Variants in COL5A1 observed in about 807,000 individuals in gnomAD.
The protein encoded by COL5A1 is collagen alpha-1(V) chain.
COL5A1 carries 16 observed loss-of-function variants against 263.7 expected under a neutral mutation model. That is an observed-to-expected ratio of 0.06 (90% CI 0.04 to 0.09). The LOEUF (loss-of-function observed/expected upper bound fraction) is 0.09, where lower values mean the gene tolerates loss of function less well. COL5A1 is among the 10% of genes least tolerant of loss of function. The pLI, the probability that COL5A1 is intolerant of heterozygous loss-of-function variation, is 1.00. For missense variants in COL5A1, 2,036 were observed against 2,540.5 expected, an observed-to-expected ratio of 0.80 and a Z score of 4.27; for synonymous variants, 1,012 against 1,004.5, an observed-to-expected ratio of 1.01 and a Z score of -0.14.
intron 65 of COL5A1, among the ~76,000 whole-genome samples, chr9:134,836,583 G>A (rs1178440616): frequency 6.6e-6 from 1 of 152,224 alleles, no homozygotes; most frequent in Non-Finnish European, 1.5e-5. Flanking sequence ...CTCAGTGTGA[G>A]GCCTGGGCAG....
At chr9:134,752,553 G>A in intron 13 of COL5A1, 36 bp from the exon 14 acceptor site, 1 of 1,568,840 alleles carries the variant, frequency 6.4e-7, no homozygotes, top group South Asian at 1.1e-5. Context: ...ACTGCTGCTG[G>A]GGCCCTGTCT....
In COL5A1 at chr9:134,690,791, C is replaced by T. The variant is rs548362323; in HGVS notation, c.110-121C>T. The T allele has an allele frequency of 2.9e-5, 36 of 1,252,964 alleles. No individual in the cohort carries two copies. The East Asian group carries it at 8.4e-4, about 29-fold the overall frequency. The allele number at this position is 1,252,964 out of a possible 1,614,324, so 77.6% of individuals were successfully genotyped here. ...GCTCTAAGCTGGTCCTGGGGCTCTT[C>T]TGAGTGCCCAGGATTCACAGTGGTG... On this transcript the variant is annotated intron_variant, in intron 1 of 65. Coordinates refer to ENST00000371817, the MANE Select transcript of COL5A1 (RefSeq NM_000093.5).
In COL5A1 at chr9:134,642,282, C is replaced by A. The variant is rs1320177911; in HGVS notation, c.95C>A (p.Pro32His). 6.9e-6 allele frequency: 8 copies of A among 1,151,482 alleles called. No individual in the cohort carries two copies. Among genetic ancestry groups the A allele is most frequent in the Non-Finnish European group, 1.1e-6 (1 of 923,292 alleles). The allele number at this position is 1,151,482 out of a possible 1,614,324, so 71.3% of individuals were successfully genotyped here. Residue 32 changes from proline (P) to histidine (H), a missense_variant, in exon 1 of 66, where the codon CCT becomes CAT. Transcript: ENST00000371817. The surrounding 1 kb of genome is among the most constrained non-coding windows in gnomAD (Gnocchi z 4.5). The part of the protein sequence containing the change: ...PLLLLLLWAP[P>H]PSRAAQPADL... ...CTGCTGCTGCTGCTGTGGGCGCCGC[C>A]TCCGAGCCGCGCAGGTAAGGGCGCC...
chr9:134,822,386 G>A (rs1044575744), intron 59 of COL5A1, among the ~76,000 whole-genome samples: 7 of 152,186 alleles, frequency 4.6e-5, no homozygotes, highest in African/African-American at 1.7e-4. Context: ...AGGAAACGGT[G>A]GCCATTTCAG....
chr9:134,766,876 G>C (rs4842158), intron 22 of COL5A1, 124 bp from the exon 23 acceptor site: 1 of 956,128 alleles, frequency 1.0e-6, no homozygotes, highest in East Asian at 2.6e-5. Flanking sequence ...TTCCCTTCCC[G>C]CTGGCATTAG....
At chr9:134,803,468 G>A (rs1279068035) in intron 39 of COL5A1, among the ~76,000 whole-genome samples, 1 of 152,074 alleles carries the variant, frequency 6.6e-6, no homozygotes. Flanking sequence ...AACCCCATCT[G>A]TACTAAAAAT....
intron 4 of COL5A1, among the ~76,000 whole-genome samples, chr9:134,717,257 C>G (rs1588466630): frequency 9.6e-6 from 1 of 103,672 alleles, no homozygotes; most frequent in Non-Finnish European, 2.1e-5. Flanking sequence ...ATCCGCCGGG[C>G]CCAGCGGGAG....
chr9:134,836,859 G>A (rs770825623), intron 65 of COL5A1, among the ~76,000 whole-genome samples: 5 of 152,228 alleles, frequency 3.3e-5, no homozygotes, highest in Admixed American at 6.5e-5. Flanking sequence ...CTCTCCTCCC[G>A]GCTGCTACTG....
Position 134,824,697 on chromosome 9 carries a change from A to T in COL5A1, c.4796A>T (p.Glu1599Val). The part of the protein sequence containing the change: ...ASQLLDDGNG[E>V]NYVDYADGME... ...CAGCTGCTGGACGACGGGAATGGCG[A>T]GAACTACGTGGACTACGCGGACGGC... The change falls in exon 62 of 66, where the codon GAG becomes GTG. Residue 1599 changes from glutamate to valine, a missense_variant. Glu to Val is a moderately radical substitution (Grantham distance 121). Coordinates refer to ENST00000371817, the MANE Select transcript of COL5A1 (RefSeq NM_000093.5). 1.9e-6 allele frequency: 3 copies of T among 1,614,232 alleles called. No individual in the cohort carries two copies.
chr9:134,716,796 A>G lies in COL5A1; in HGVS notation c.655-10470A>G, dbSNP rs1834278400. ...CCCATGTTGGAGACACAGATGTGTC[A>G]TTTTGCAGCCTTGCACCCAGAGCTG... On this transcript the variant is annotated intron_variant, in intron 4 of 65. Coordinates refer to ENST00000371817, the MANE Select transcript of COL5A1 (RefSeq NM_000093.5). This position sits in a 1 kb window ranked among gnomAD's most constrained non-coding sequence, Gnocchi z 4.5. Among the ~76,000 whole-genome samples the G allele has an allele frequency of 6.6e-6, 1 of 152,158 alleles. No individual in the cohort carries two copies. Among genetic ancestry groups the G allele is most frequent in the African/African-American group, 2.4e-5 (1 of 41,454 alleles).
At chr9:134,728,980 G>A (rs750357409) in intron 6 of COL5A1, among the ~76,000 whole-genome samples, 173 bp downstream of exon 6, 10 of 152,224 alleles carry the variant, frequency 6.6e-5, no homozygotes, top group Non-Finnish European at 1.2e-4. Context: ...TTGCTGTCAC[G>A]GGGCGTATCG....
chr9:134,809,359 A>G (rs994685842), intron 43 of COL5A1, 69 bp downstream of exon 43: 31 of 1,219,504 alleles, frequency 2.5e-5, no homozygotes, highest in Admixed American at 7.7e-5. Flanking sequence ...AGGGTGGTGA[A>G]TTTAAAGGAC....
chr9:134,643,652 C>A (rs1831376075), intron 1 of COL5A1, among the ~76,000 whole-genome samples: 1 of 152,098 alleles, frequency 6.6e-6, no homozygotes, highest in Admixed American at 6.5e-5. Flanking sequence ...TCTCTCCTGA[C>A]CCTGGGCTAA....
In COL5A1 at chr9:134,755,761, C is replaced by T. The variant is rs1835945786; in HGVS notation, c.1828-1004C>T. Among the ~76,000 whole-genome samples the T allele has an allele frequency of 6.6e-6, 1 of 152,218 alleles. No individual in the cohort carries two copies. The highest frequency in any genetic ancestry group is 2.4e-5 in the African/African-American group (1 of 41,462). Reference sequence around the variant, plus strand: ...ATGTCTTTTTGGGGAGCAACGGGAGCACCGACTGTCTCCTTGGGGTGTGTT... The same window carrying T: ...ATGTCTTTTTGGGGAGCAACGGGAGTACCGACTGTCTCCTTGGGGTGTGTT... On this transcript the variant is annotated intron_variant, in intron 16 of 65. Transcript: ENST00000371817. This position sits in a 1 kb window ranked among gnomAD's most constrained non-coding sequence, Gnocchi z 4.1.
Position 134,755,769 on chromosome 9 carries a change from G to A in COL5A1, c.1828-996G>A, listed in dbSNP as rs1403415683. Among the ~76,000 whole-genome samples the A allele has an allele frequency of 6.6e-6, 1 of 152,192 alleles. No individual in the cohort carries two copies. Among genetic ancestry groups the A allele is most frequent in the African/African-American group, 2.4e-5 (1 of 41,460 alleles). On this transcript the variant is annotated intron_variant, in intron 16 of 65. Transcript: ENST00000371817. The surrounding 1 kb of genome is among the most constrained non-coding windows in gnomAD (Gnocchi z 4.1). ...TTGGGGAGCAACGGGAGCACCGACTGTCTCCTTGGGGTGTGTTTGGATTTC... is the reference window on the plus strand; with the variant it reads ...TTGGGGAGCAACGGGAGCACCGACTATCTCCTTGGGGTGTGTTTGGATTTC...
Position 134,805,195 on chromosome 9 carries a change from C to T in COL5A1, c.3239C>T (p.Pro1080Leu), listed in dbSNP as rs1400823170. Residue 1080 changes from proline to leucine, a missense_variant, in exon 41 of 66, where the codon CCT becomes CTT. Pro to Leu is a moderately conservative substitution (Grantham distance 98). Coordinates refer to ENST00000371817, the MANE Select transcript of COL5A1 (RefSeq NM_000093.5). ...ALGLKGNEGP[P>L]GPPGPAGSPG... ...GGACTGAAAGGCAATGAAGGGCCCC[C>T]TGGCCCACCAGGCCCTGCGGTGAGT... is the stretch of plus-strand genomic sequence containing the variant. 1 of 1,613,860 alleles carries T rather than the reference C, an allele frequency of 6.2e-7. No individual in the cohort carries two copies. Among genetic ancestry groups the T allele is most frequent in the African/African-American group, 1.3e-5 (1 of 74,928 alleles).
chr9:134,730,554 C>A, intron 7 of COL5A1, 79 bp downstream of exon 7: 1 of 1,590,272 alleles, frequency 6.3e-7, no homozygotes, highest in Non-Finnish European at 8.6e-7. Context: ...GCTGAGCTCC[C>A]TTCTTACTCC....
At chr9:134,684,146 C>T (rs923352483) in intron 1 of COL5A1, among the ~76,000 whole-genome samples, 1 of 152,246 alleles carries the variant, frequency 6.6e-6, no homozygotes, top group Non-Finnish European at 1.5e-5. Context: ...GAGATGCTCT[C>T]CAGCAGGGCA....
At chr9:134,815,802 C>T in intron 51 of COL5A1, 133 bp from the exon 52 acceptor site, 1 of 1,293,674 alleles carries the variant, frequency 7.7e-7, no homozygotes, top group Non-Finnish European at 1.1e-6. Flanking sequence ...CCTTTGACCC[C>T]ACTGACCATG....
Sources: gnomAD v4.1 joint callset for allele counts (sites outside exome capture counted in the v4.1 genomes callset) on GRCh38, gnomAD v4.1.1 for gene constraint, Gnocchi (gnomAD v3.1) non-coding constraint, MANE v1.5 for transcripts, NCBI Gene and HGNC (gene_info 2026-07-23, HGNC 2026-07-21) for gene names.